The following MAGI1 variants were observed in gnomAD, a reference collection of about 807,000 sequenced individuals.
The protein encoded by MAGI1 is membrane associated guanylate kinase, WW and PDZ domain containing 1, also known as membrane-associated guanylate kinase, WW and PDZ domain-containing protein 1.
MAGI1 carries 58 observed loss-of-function variants against 139.9 expected under a neutral mutation model. That is an observed-to-expected ratio of 0.41 (90% confidence interval 0.34 to 0.52). The LOEUF (loss-of-function observed/expected upper bound fraction) is 0.52, where lower values mean the gene tolerates loss of function less well. Among genes scored for constraint, MAGI1 ranks in the 20% least tolerant of loss-of-function variants. The probability of loss-of-function intolerance (pLI) is 0.12; values close to 1 mark genes in which losing one functional copy is unlikely to be tolerated. For synonymous variants in MAGI1, 812 were observed against 737.9 expected (o/e 1.10, Z -1.63); for missense variants, 1,874 against 1,901.6 (o/e 0.99, Z 0.27).
intron 1 of MAGI1, among the ~76,000 whole-genome samples, chr3:65,652,476 C>T (rs1009989888): frequency 2.6e-5 from 4 of 152,184 alleles, no homozygotes. Flanking sequence ...CAAGACACCA[C>T]ATGCCAGTAC....
chr3:65,937,835 C>G (rs758132785), intron 1 of MAGI1, among the ~76,000 whole-genome samples: 9 of 151,910 alleles, frequency 5.9e-5, no homozygotes, highest in Non-Finnish European at 1.3e-4. Context: ...GGACATTGTT[C>G]TGTTAGATGA....
chr3:65,967,528 G>A (rs1266469823), intron 1 of MAGI1, among the ~76,000 whole-genome samples: 2 of 152,200 alleles, frequency 1.3e-5, no homozygotes, highest in Non-Finnish European at 2.9e-5. Context: ...CCCAACTGGG[G>A]CCAATGGCTG....
At chr3:65,854,834 T>C (rs1371064694) in intron 1 of MAGI1, among the ~76,000 whole-genome samples, 1 of 152,160 alleles carries the variant, frequency 6.6e-6, no homozygotes, top group Non-Finnish European at 1.5e-5. Context: ...GGGGAATACC[T>C]ACAACCACAA....
chr3:65,482,875 A>T (rs1245859296), intron 3 of MAGI1, among the ~76,000 whole-genome samples: 1 of 152,242 alleles, frequency 6.6e-6, no homozygotes, highest in Non-Finnish European at 1.5e-5. Context: ...TCTCTTATAG[A>T]GGATGTTGAA....
chr3:65,458,800 T>C (rs1949577963), intron 5 of MAGI1, among the ~76,000 whole-genome samples: 1 of 152,182 alleles, frequency 6.6e-6, no homozygotes, highest in Non-Finnish European at 1.5e-5. Flanking sequence ...AGAAGCTTTT[T>C]AACTTGATGT....
intron 1 of MAGI1, chr3:65,873,489 T>C (rs2060007726): frequency 6.6e-6 from 1 of 152,234 alleles, no homozygotes; most frequent in Non-Finnish European, 1.5e-5. Flanking sequence ...ATCTTCTCCT[T>C]ATCTGAGCAA....
At chr3:65,791,261 C>T (rs1234443429) in intron 1 of MAGI1, among the ~76,000 whole-genome samples, 1 of 152,100 alleles carries the variant, frequency 6.6e-6, no homozygotes, top group South Asian at 2.1e-4. Flanking sequence ...TCTCCTCCTT[C>T]GAAGCTGAAA....
intron 4 of MAGI1, among the ~76,000 whole-genome samples, chr3:65,476,414 A>G (rs1328792076): frequency 6.6e-6 from 1 of 152,204 alleles, no homozygotes; most frequent in Non-Finnish European, 1.5e-5. Flanking sequence ...GATTTTGGCC[A>G]TGATGATCTG....
intron 18 of MAGI1, chr3:65,372,004 CTTG>C: frequency 3.1e-6 from 1 of 321,742 alleles, no homozygotes; most frequent in Non-Finnish European, 6.2e-6. Flanking sequence ...CTTCTAAAAT[CTTG>C]TTAAGGTCAA....
chr3:65,497,743 C>G (rs554638432), intron 2 of MAGI1, among the ~76,000 whole-genome samples: 1 of 152,134 alleles, frequency 6.6e-6, no homozygotes, highest in Non-Finnish European at 1.5e-5. Context: ...CAACAATCAC[C>G]CTGGGGTCTT....
At chr3:65,455,767 A>G (rs918951781) in intron 5 of MAGI1, among the ~76,000 whole-genome samples, 1 of 152,226 alleles carries the variant, frequency 6.6e-6, no homozygotes, top group African/African-American at 2.4e-5. Flanking sequence ...ATAATTTTAA[A>G]AAGAATGTTA....
chr3:65,368,366 G>A (rs1941643681), intron 18 of MAGI1, among the ~76,000 whole-genome samples: 1 of 152,200 alleles, frequency 6.6e-6, no homozygotes, highest in African/African-American at 2.4e-5. Flanking sequence ...CCAGAGGAGT[G>A]AAAATGGAGA....
At chr3:65,794,658 C>T (rs960950888) in intron 1 of MAGI1, among the ~76,000 whole-genome samples, 8 of 151,482 alleles carry the variant, frequency 5.3e-5, no homozygotes, top group African/African-American at 1.5e-4. Flanking sequence ...TCACAACCAG[C>T]GATGCCCCAG....
At chr3:65,929,254 C>G (rs551671022) in intron 1 of MAGI1, among the ~76,000 whole-genome samples, 1 of 152,256 alleles carries the variant, frequency 6.6e-6, no homozygotes, top group East Asian at 1.9e-4. Context: ...TCCTTTCATC[C>G]TTTCTCCTCA....
intron 1 of MAGI1, among the ~76,000 whole-genome samples, chr3:66,021,701 C>T (rs2067971461): frequency 6.6e-6 from 1 of 152,088 alleles, no homozygotes; most frequent in African/African-American, 2.4e-5. Context: ...CTAGTAATCC[C>T]CATATTTAAC....
chr3:65,498,484 C>T (rs996673537), intron 2 of MAGI1, among the ~76,000 whole-genome samples: 2 of 152,138 alleles, frequency 1.3e-5, no homozygotes, highest in Admixed American at 1.3e-4. Flanking sequence ...GCTTCCATTT[C>T]TCAGATGTTC....
At chr3:65,785,895 A>G (rs1166752900) in intron 1 of MAGI1, among the ~76,000 whole-genome samples, 2 of 152,052 alleles carry the variant, frequency 1.3e-5, no homozygotes, top group Non-Finnish European at 2.9e-5. Context: ...TTAGGCCATG[A>G]ATCCTTCCCG....
intron 6 of MAGI1, among the ~76,000 whole-genome samples, chr3:65,448,606 C>T (rs1010077958): frequency 1.3e-5 from 2 of 151,858 alleles, no homozygotes; most frequent in Non-Finnish European, 2.9e-5. Context: ...AGATGAATTA[C>T]GTCAAGATAA....
At chr3:65,384,803 G>C (rs1206099868) in intron 14 of MAGI1, among the ~76,000 whole-genome samples, 1 of 151,716 alleles carries the variant, frequency 6.6e-6, no homozygotes, top group East Asian at 1.9e-4. Flanking sequence ...GTGTGTGTGT[G>C]TGTGTTACAC....
Sources: gnomAD v4.1 joint callset for allele counts (sites outside exome capture counted in the v4.1 genomes callset) on GRCh38, gnomAD v4.1.1 for gene constraint, MANE v1.5 for transcripts, NCBI Gene and HGNC (gene_info 2026-07-23, HGNC 2026-07-21) for gene names.